The following FGF14 variants were observed in gnomAD, a reference collection of about 807,000 sequenced individuals.
FGF14 encodes fibroblast growth factor 14.
FGF14 carries 5 observed loss-of-function variants against 25.5 expected under a neutral mutation model. That is an observed-to-expected ratio of 0.20 (90% CI 0.10 to 0.41). The LOEUF (loss-of-function observed/expected upper bound fraction) is 0.41. Among genes scored for constraint, FGF14 ranks in the 10% least tolerant of loss-of-function variants. The pLI, the probability that FGF14 is intolerant of heterozygous loss-of-function variation, is 1.00. For synonymous variants in FGF14, 138 were observed against 118.3 expected (o/e 1.17, Z -1.08); for missense variants, 222 against 320.1 (o/e 0.69, Z 2.34).
At chr13:102,295,720 A>G (rs1240399241) in intron 1 of FGF14, among the ~76,000 whole-genome samples, 1 of 152,188 alleles carries the variant, frequency 6.6e-6, no homozygotes, top group Non-Finnish European at 1.5e-5. Context: ...GCTTTTACCC[A>G]AAACACATTG....
At chr13:102,296,843 G>A (rs1379096688) in intron 1 of FGF14, among the ~76,000 whole-genome samples, 6 of 152,082 alleles carry the variant, frequency 3.9e-5, no homozygotes, top group Non-Finnish European at 8.8e-5. Flanking sequence ...TCCTCATAAA[G>A]AGGCCAAACT....
intron 1 of FGF14, among the ~76,000 whole-genome samples, chr13:102,224,207 A>G (rs2050736000): frequency 6.6e-6 from 1 of 152,150 alleles, no homozygotes; most frequent in South Asian, 2.1e-4. Flanking sequence ...TCACATTACT[A>G]TGCATTCCAA....
intron 1 of FGF14, among the ~76,000 whole-genome samples, chr13:102,347,330 A>T (rs2057139112): frequency 6.6e-6 from 1 of 152,178 alleles, no homozygotes; most frequent in South Asian, 2.1e-4. Flanking sequence ...TAATAATTAA[A>T]TAATTCTACC....
intron 3 of FGF14, among the ~76,000 whole-genome samples, chr13:101,854,787 A>T (rs1429743304): frequency 6.6e-6 from 1 of 152,010 alleles, no homozygotes; most frequent in Non-Finnish European, 1.5e-5. Context: ...GTAACCTAAG[A>T]AATGAATTCC....
At chr13:102,271,948 T>C (rs971697297) in intron 1 of FGF14, among the ~76,000 whole-genome samples, 7 of 152,088 alleles carry the variant, frequency 4.6e-5, no homozygotes, top group Non-Finnish European at 1.0e-4. Context: ...TATTCTCTAG[T>C]GAGGACTCAG....
At chr13:102,039,215 G>A (rs1204870099) in intron 1 of FGF14, among the ~76,000 whole-genome samples, 1 of 152,110 alleles carries the variant, frequency 6.6e-6, no homozygotes, top group African/African-American at 2.4e-5. Context: ...GAAGCTTTCT[G>A]AGCCACTCAT....
intron 1 of FGF14, among the ~76,000 whole-genome samples, chr13:102,350,850 T>C (rs2057257128): frequency 1.3e-5 from 2 of 152,228 alleles, no homozygotes; most frequent in African/African-American, 4.8e-5. Flanking sequence ...ATTCATCTCC[T>C]GCAAGCTTTC....
At chr13:101,867,620 G>A (rs2044783430) in intron 3 of FGF14, among the ~76,000 whole-genome samples, 1 of 152,016 alleles carries the variant, frequency 6.6e-6, no homozygotes, top group Non-Finnish European at 1.5e-5. Context: ...TTTCTAAAGG[G>A]AGCATAGGGA....
At chr13:102,390,561 T>C (rs1296316927) in intron 1 of FGF14, among the ~76,000 whole-genome samples, 1 of 152,230 alleles carries the variant, frequency 6.6e-6, no homozygotes, top group Admixed American at 6.5e-5. Context: ...TTTGGTTTTA[T>C]ACTCAGATCT....
At chr13:101,723,086 A>T in intron 4 of FGF14, 119 bp from the exon 5 acceptor site, 1 of 1,188,428 alleles carries the variant, frequency 8.4e-7, no homozygotes, top group Non-Finnish European at 1.2e-6. Flanking sequence ...CCTGAAGTAA[A>T]GCAATTCCAT....
At chr13:102,223,930 G>T (rs1023636637) in intron 1 of FGF14, among the ~76,000 whole-genome samples, 1 of 152,016 alleles carries the variant, frequency 6.6e-6, no homozygotes, top group Non-Finnish European at 1.5e-5. Flanking sequence ...TGATATAAAT[G>T]ACAGAATAAC....
At chr13:101,935,589 C>T (rs2035047707) in intron 1 of FGF14, among the ~76,000 whole-genome samples, 1 of 152,182 alleles carries the variant, frequency 6.6e-6, no homozygotes, top group Admixed American at 6.5e-5. Context: ...CATTCTCTTT[C>T]CTGCTGCCCT....
At chr13:101,762,157 C>T (rs2038071920) in intron 3 of FGF14, among the ~76,000 whole-genome samples, 1 of 152,116 alleles carries the variant, frequency 6.6e-6, no homozygotes, top group Non-Finnish European at 1.5e-5. Context: ...TTTCTAGTAG[C>T]ACTGTTAAAC....
intron 1 of FGF14, among the ~76,000 whole-genome samples, chr13:102,163,037 T>C (rs2047845799): frequency 6.6e-6 from 1 of 152,160 alleles, no homozygotes; most frequent in African/African-American, 2.4e-5. Context: ...TACATCCACA[T>C]ATTTCATATA....
rs538329945 is a variant in FGF14 at position 102,400,777 on chromosome 13, G to T, written c.208+694C>A. Among the ~76,000 whole-genome samples the T allele has an allele frequency of 6.6e-6, 1 of 152,248 alleles. No individual in the cohort carries two copies. Among genetic ancestry groups the T allele is most frequent in the African/African-American group, 2.4e-5 (1 of 41,540 alleles). ...CAGGGCTTTGACACCGCTTTCTAAA[G>T]GGGGGGACTTCAATTACAAATATTA... On this transcript the variant is annotated intron_variant, in intron 1 of 4. Transcript: ENST00000376131. This position sits in a 1 kb window ranked among gnomAD's most constrained non-coding sequence, Gnocchi z 4.3.
At chr13:101,767,374 C>G (rs1304510036) in intron 3 of FGF14, among the ~76,000 whole-genome samples, 2 of 152,042 alleles carry the variant, frequency 1.3e-5, no homozygotes, top group African/African-American at 4.8e-5. Context: ...TTTTTAAAAG[C>G]TCCCTAGGGT....
At chr13:102,379,344 G>A (rs1315549231) in intron 1 of FGF14, among the ~76,000 whole-genome samples, 3 of 151,642 alleles carry the variant, frequency 2.0e-5, no homozygotes, top group Non-Finnish European at 2.9e-5. Context: ...TAAAGAAACA[G>A]CAAAGGTACA....
intron 3 of FGF14, among the ~76,000 whole-genome samples, chr13:101,784,989 T>C (rs1322865484): frequency 6.6e-6 from 1 of 152,126 alleles, no homozygotes; most frequent in African/African-American, 2.4e-5. Flanking sequence ...ACTTCTAGCT[T>C]TATTTATACT....
chr13:101,924,540 T>G (rs573920748), intron 1 of FGF14, among the ~76,000 whole-genome samples: 1 of 152,330 alleles, frequency 6.6e-6, no homozygotes, highest in East Asian at 1.9e-4. Flanking sequence ...ACATTCACAT[T>G]TGAAAGTTTT....
Sources: gnomAD v4.1 joint callset for allele counts (sites outside exome capture counted in the v4.1 genomes callset) on GRCh38, gnomAD v4.1.1 for gene constraint, Gnocchi (gnomAD v3.1) non-coding constraint, MANE v1.5 for transcripts, NCBI Gene and HGNC (gene_info 2026-07-23, HGNC 2026-07-21) for gene names.